Variants in MAGI2 observed in about 807,000 individuals in gnomAD.
MAGI2 encodes membrane associated guanylate kinase, WW and PDZ domain containing 2, also known as membrane-associated guanylate kinase, WW and PDZ domain-containing protein 2.
Under a neutral mutation model 133.3 loss-of-function variants are expected in MAGI2, and 35 were observed. The ratio of observed to expected loss-of-function variants is 0.26; its 90% CI spans 0.20 to 0.35. The LOEUF (loss-of-function observed/expected upper bound fraction) is 0.35. Ranked by LOEUF, MAGI2 falls within the 10% of genes least tolerant of loss-of-function variation. The pLI, the probability that MAGI2 is intolerant of heterozygous loss-of-function variation, is 1.00. For synonymous variants in MAGI2, 729 were observed against 710.6 expected, an observed-to-expected ratio of 1.03 and a Z score of -0.41; for missense variants, 1,636 against 1,863.4, an observed-to-expected ratio of 0.88 and a Z score of 2.25.
At chr7:78,749,048 T>C (rs1214501121) in intron 2 of MAGI2, among the ~76,000 whole-genome samples, 1 of 152,144 alleles carries the variant, frequency 6.6e-6, no homozygotes, top group Non-Finnish European at 1.5e-5. Flanking sequence ...GTGGGAGAGA[T>C]AAGAAATGCA....
At chr7:78,768,458 A>T (rs936568574) in intron 2 of MAGI2, among the ~76,000 whole-genome samples, 6 of 152,228 alleles carry the variant, frequency 3.9e-5, no homozygotes, top group Admixed American at 3.3e-4. Context: ...GGCAAATCTT[A>T]TTGCCTCTGT....
intron 13 of MAGI2, among the ~76,000 whole-genome samples, chr7:78,180,202 A>G (rs1563224061): frequency 6.6e-6 from 1 of 152,230 alleles, no homozygotes; most frequent in Non-Finnish European, 1.5e-5. Flanking sequence ...ATGTTTAACT[A>G]GAACTTTTCA....
At chr7:78,929,672 C>G (rs1799965118) in intron 2 of MAGI2, among the ~76,000 whole-genome samples, 1 of 151,994 alleles carries the variant, frequency 6.6e-6, no homozygotes, top group Non-Finnish European at 1.5e-5. Context: ...TTCTGGGTCC[C>G]TCTTATAAGG....
intron 1 of MAGI2, among the ~76,000 whole-genome samples, chr7:79,108,848 G>C (rs1191673496): frequency 6.6e-6 from 1 of 152,156 alleles, no homozygotes; most frequent in Non-Finnish European, 1.5e-5. Flanking sequence ...TAGTGAATGA[G>C]TTACTCACAA....
At chr7:78,194,233 A>G (rs757567651) in intron 12 of MAGI2, among the ~76,000 whole-genome samples, 3 of 152,240 alleles carry the variant, frequency 2.0e-5, no homozygotes, top group Non-Finnish European at 4.4e-5. Flanking sequence ...AGCAATATCA[A>G]AAGCCTTGTT....
intron 2 of MAGI2, among the ~76,000 whole-genome samples, chr7:78,893,865 T>G: frequency 6.6e-6 from 1 of 152,108 alleles, no homozygotes; most frequent in East Asian, 1.9e-4. Flanking sequence ...ACCCTAAAAC[T>G]TAAAGTATAA....
At chr7:79,037,255 C>A (rs1811211191) in intron 1 of MAGI2, among the ~76,000 whole-genome samples, 1 of 152,148 alleles carries the variant, frequency 6.6e-6, no homozygotes, top group African/African-American at 2.4e-5. Context: ...ATTTGACAGT[C>A]ATTGTGTAAA....
At chr7:79,432,803 G>T (rs12155310) in intron 1 of MAGI2, among the ~76,000 whole-genome samples, 2 of 152,170 alleles carry the variant, frequency 1.3e-5, no homozygotes, top group Admixed American at 1.3e-4. Flanking sequence ...TAAAGGTGGA[G>T]TGTCTTTGAA....
intron 5 of MAGI2, 76 bp downstream of exon 5, chr7:78,501,501 C>A: frequency 9.5e-6 from 9 of 944,738 alleles, no homozygotes; most frequent in Non-Finnish European, 1.0e-5. Flanking sequence ...TTTTTTTTTC[C>A]ACGTCTAACT....
At chr7:78,425,945 T>TA (rs957209789) in intron 6 of MAGI2, among the ~76,000 whole-genome samples, 4 of 151,870 alleles carry the variant, frequency 2.6e-5, no homozygotes, top group African/African-American at 7.3e-5. Flanking sequence ...CACAGTATAA[T>TA]AAAAAAAATT....
chr7:78,927,689 C>CA (rs549953102), intron 2 of MAGI2, among the ~76,000 whole-genome samples: 2 of 151,726 alleles, frequency 1.3e-5, no homozygotes, highest in Non-Finnish European at 2.9e-5. Flanking sequence ...TACACAACTC[C>CA]AAAAAATCTT....
At chr7:78,307,236 A>G (rs1798316306) in intron 9 of MAGI2, among the ~76,000 whole-genome samples, 1 of 152,202 alleles carries the variant, frequency 6.6e-6, no homozygotes, top group Non-Finnish European at 1.5e-5. Flanking sequence ...AGTATTTTAC[A>G]TATTTTCACT....
chr7:79,182,229 C>A (rs186976817), intron 1 of MAGI2, among the ~76,000 whole-genome samples: 260 of 152,072 alleles, frequency 1.7e-3, no homozygotes, highest in Non-Finnish European at 3.3e-3. Flanking sequence ...TAAAGACATT[C>A]CTGAGACTGG....
At chr7:78,806,626 G>A (rs1023784898) in intron 2 of MAGI2, among the ~76,000 whole-genome samples, 1 of 152,050 alleles carries the variant, frequency 6.6e-6, no homozygotes, top group African/African-American at 2.4e-5. Context: ...AGCACTTTGG[G>A]AGGCTGAGTG....
At chr7:78,980,560 C>T (rs540354764) in intron 2 of MAGI2, among the ~76,000 whole-genome samples, 1 of 151,822 alleles carries the variant, frequency 6.6e-6, no homozygotes, top group Non-Finnish European at 1.5e-5. Flanking sequence ...GACATCTCTC[C>T]ATTTTAGATG....
Position 78,077,730 on chromosome 7 carries a change from T to TTTTG in MAGI2, c.3706+1216_3706+1217insCAAA, listed in dbSNP as rs1160965313. On this transcript the variant is annotated intron_variant, in intron 21 of 21. Transcript: ENST00000354212. Reference sequence around the variant, plus strand: ...TGAAAAGTACTCTTTAGAATGTTTTTTTTTTTTTTTTTTTTTGAGACAGAG... The same window carrying TTTTG: ...TGAAAAGTACTCTTTAGAATGTTTTTTTTGTTTTTTTTTTTTTTTTGAGACAGAG... Among the ~76,000 whole-genome samples the TTTTG allele has an allele frequency of 6.5e-4, 94 of 145,498 alleles. 1 individual carries two copies. Among genetic ancestry groups the TTTTG allele is most frequent in the Middle Eastern group, 3.4e-3 (1 of 292 alleles).
chr7:79,353,328 A>G, intron 1 of MAGI2: 10 of 393,752 alleles, frequency 2.5e-5, no homozygotes, highest in South Asian at 1.9e-4. Context: ...AGGAGCTGAC[A>G]CTGTCTGTGA....
chr7:78,789,425 A>T (rs2151363938), intron 2 of MAGI2, among the ~76,000 whole-genome samples: 1 of 152,356 alleles, frequency 6.6e-6, no homozygotes, highest in South Asian at 2.1e-4. Context: ...TAAAATCCAC[A>T]GACGATGAAT....
At chr7:78,169,566 T>C (rs1232324044) in intron 14 of MAGI2, among the ~76,000 whole-genome samples, 2 of 149,924 alleles carry the variant, frequency 1.3e-5, no homozygotes, top group African/African-American at 4.9e-5. Context: ...ATGTGCAAAG[T>C]TATAGTCTGA....
Sources: allele counts gnomAD v4.1 joint callset (sites outside exome capture counted in the v4.1 genomes callset), GRCh38; gene constraint gnomAD v4.1.1; transcripts MANE v1.5; gene names NCBI Gene and HGNC (gene_info 2026-07-23, HGNC 2026-07-21).